AXIN1: variants seen among roughly 807,000 people sequenced by gnomAD.
The protein encoded by AXIN1 is axin 1, also known as axin-1.
A neutral mutation model predicts 76.4 loss-of-function variants in AXIN1; 30 were observed. The ratio of observed to expected loss-of-function variants is 0.39; its 90% CI spans 0.29 to 0.53. The LOEUF is 0.53. Ranked by LOEUF, AXIN1 falls within the 20% of genes least tolerant of loss-of-function variation. AXIN1 has a pLI of 0.66. For synonymous variants in AXIN1, 545 were observed against 501.4 expected (o/e 1.09, Z -1.16); for missense variants, 1,140 against 1,198.8 (o/e 0.95, Z 0.72).
At chr16:294,659 A>G (rs385862) in intron 7 of AXIN1, among the ~76,000 whole-genome samples, 65,136 of 148,058 alleles carry the variant, frequency 0.44, 15,488 homozygotes, top group African/African-American at 0.63. Flanking sequence ...GGTGGGTTAG[A>G]CAGGAGAACC....
In AXIN1 at chr16:346,399, T is replaced by C. The variant is rs754576194; in HGVS notation, c.627A>G (p.Glu209=). Residue 209 remains glutamate (E), a synonymous_variant, in exon 2 of 11, where the codon GAA becomes GAG. Transcript: ENST00000262320. The stretch of plus-strand genomic sequence containing the variant: ...GGCTCTCCGAGCCTGTCCTCGTATA[T>C]TCCAAATAAATATCAGACTTAAGGA... ...PSFLKSDIYL[E]YTRTGSESPK... is the part of the protein sequence containing the mutation. The C allele has an allele frequency of 6.8e-6, 11 of 1,614,208 alleles. No individual in the cohort carries two copies. Among genetic ancestry groups the C allele is most frequent in the Non-Finnish European group, 6.8e-6 (8 of 1,180,038 alleles).
chr16:342,329 CA>C lies in AXIN1; in HGVS notation c.878+3818del, dbSNP rs748531102. 8.5e-5 allele frequency among the ~76,000 whole-genome samples: 13 copies of C among 152,302 alleles called. No individual in the cohort carries two copies. In the East Asian group the frequency reaches 1.9e-3, roughly 23 times the overall value. On this transcript the variant is annotated intron_variant, in intron 2 of 10. Coordinates refer to ENST00000262320, the MANE Select transcript of AXIN1 (RefSeq NM_003502.4). Reference sequence around the variant, plus strand: ...CCTTTAGGAACTGTAACACTCACGGCAAGGGTCCGCGGCTTCATTCTTGAAG... The same window carrying C: ...CCTTTAGGAACTGTAACACTCACGGCAGGGTCCGCGGCTTCATTCTTGAAG...
chr16:305,030 C>A (rs575432053), intron 4 of AXIN1, among the ~76,000 whole-genome samples: 1 of 152,192 alleles, frequency 6.6e-6, no homozygotes, highest in Non-Finnish European at 1.5e-5. Context: ...GACACACAGC[C>A]GGCGCTCCCC....
intron 1 of AXIN1, among the ~76,000 whole-genome samples, chr16:351,440 T>C (rs1413015784): frequency 6.6e-6 from 1 of 152,088 alleles, no homozygotes; most frequent in Non-Finnish European, 1.5e-5. Context: ...TGAAACCCTG[T>C]CTCTACTAAA....
At chr16:331,345 AG>A (rs2053686978) in intron 2 of AXIN1, among the ~76,000 whole-genome samples, 1 of 152,186 alleles carries the variant, frequency 6.6e-6, no homozygotes, top group African/African-American at 2.4e-5. Flanking sequence ...TGACATTCTC[AG>A]GGATCCTGGA....
intron 2 of AXIN1, among the ~76,000 whole-genome samples, chr16:320,091 GC>G (rs969617745): frequency 5.9e-5 from 9 of 152,116 alleles, no homozygotes; most frequent in Admixed American, 4.6e-4. Flanking sequence ...AGAACCGACA[GC>G]CCCCCACACA....
Position 352,519 on chromosome 16 carries a change from C to G in AXIN1, c.-232G>C, listed in dbSNP as rs1301083041. On this transcript the variant is annotated 5_prime_UTR_variant, in exon 1 of 11. Coordinates refer to ENST00000262320, the MANE Select transcript of AXIN1 (RefSeq NM_003502.4). The stretch of plus-strand genomic sequence containing the variant: ...ATCTCGGCGGCTGCGGCTCGGCGGC[C>G]CGGAGGCGGACGCGGGGCAGGCCGC... The G allele has an allele frequency of 1.4e-6, 1 of 730,936 alleles. No homozygotes were observed. Among genetic ancestry groups the G allele is most frequent in the Non-Finnish European group, 1.7e-6 (1 of 600,710 alleles). 45.3% of individuals were successfully genotyped at this position (730,936 alleles called of 1,614,324 possible).
intron 2 of AXIN1, among the ~76,000 whole-genome samples, chr16:331,090 T>C (rs1333090764): frequency 6.6e-6 from 1 of 152,192 alleles, no homozygotes; most frequent in Non-Finnish European, 1.5e-5. Context: ...CTTACAGTCA[T>C]GGTCCCTGAA....
Position 309,981 on chromosome 16 carries a change from G to A in AXIN1, c.1108C>T (p.His370Tyr), listed in dbSNP as rs748445916. 2 of 1,613,456 alleles carry A rather than the reference G, an allele frequency of 1.2e-6. No individual in the cohort carries two copies. Among genetic ancestry groups the A allele is most frequent in the East Asian group, 2.2e-5 (1 of 44,872 alleles). ...VQVNGRVPLP[H>Y]IPRTYRVPKE... ...GCAAAGCCGGTACTTACGGGAATGT[G>A]AGGTAGGGGCACCCGCCCATTGACC... Residue 370 changes from histidine (H) to tyrosine (Y), a missense_variant, in exon 4 of 11, where the codon CAC becomes TAC. This residue lies in a region of AXIN1 where 708 missense variants were observed against 776.9 expected (regional missense o/e 0.91). Transcript: ENST00000262320.
At position 351,679 on chromosome 16, in the gene AXIN1, G is replaced by A. The variant is rs142536135; in HGVS notation, c.-82+690C>T. 3.0e-3 allele frequency among the ~76,000 whole-genome samples: 464 copies of A among 152,222 alleles called. 1 individual carries two copies. The highest frequency in any genetic ancestry group is 0.011 in the African/African-American group (440 of 41,514). On this transcript the variant is annotated intron_variant, in intron 1 of 10. Transcript: ENST00000262320. ...CCCAACACCTTGGAAGGCTGAGGCA[G>A]GTGGATCGCTTGAGGCCAAGAATTC...
In AXIN1 at chr16:297,070, G is replaced by A. The variant is rs142471911; in HGVS notation, c.1941C>T (p.Arg647=). The change falls in exon 7 of 11, where the codon CGC becomes CGT. Residue 647 remains arginine, a synonymous_variant. Transcript: ENST00000262320. ...GGGGTGCTCACCCGTGGCCGGTCCT[G>A]CGGTGCCTGCTGATCTCCTTTTCCC... ...IEGEKEISRH[R]RTGHGSSGTR... 1 of 1,611,676 alleles carries A rather than the reference G, an allele frequency of 6.2e-7. No homozygotes were observed. The highest frequency in any genetic ancestry group is 1.1e-5 in the South Asian group (1 of 91,090).
rs145974244 is a variant in AXIN1 at position 311,352 on chromosome 16, C to T, written c.1020-1283G>A. 1.4e-4 allele frequency among the ~76,000 whole-genome samples: 21 copies of T among 152,138 alleles called. No homozygotes were observed. The East Asian group carries it at 3.3e-3, about 24-fold the overall frequency. The stretch of plus-strand genomic sequence containing the variant: ...GCCCGCAACAGGTTTTCTTTATGAA[C>T]CCTTTAGAAGATCATTAAAACACGA... On this transcript the variant is annotated intron_variant, in intron 3 of 10. Transcript: ENST00000262320.
intron 6 of AXIN1, 125 bp from the exon 7 acceptor site, chr16:297,351 C>A: frequency 1.6e-6 from 2 of 1,287,482 alleles, no homozygotes; most frequent in South Asian, 1.3e-5. Context: ...CCCGCTGTCC[C>A]CTGCCCGCTT....
chr16:287,761 G>T lies in AXIN1; in HGVS notation c.*361C>A. 2.3e-6 allele frequency: 1 copy of T among 432,158 alleles called. No homozygotes were observed. Among genetic ancestry groups the T allele is most frequent in the Non-Finnish European group, 4.3e-6 (1 of 230,600 alleles). 26.8% of individuals were successfully genotyped at this position (432,158 alleles called of 1,614,324 possible). Reference sequence around the variant, plus strand: ...GGGCCTGGGCCCCACCCAGACCTGGGTACGTGGGCAAATCCCAGAGGGAAA... The same window carrying T: ...GGGCCTGGGCCCCACCCAGACCTGGTTACGTGGGCAAATCCCAGAGGGAAA... On this transcript the variant is annotated 3_prime_UTR_variant, in exon 11 of 11. Transcript: ENST00000262320.
intron 2 of AXIN1, among the ~76,000 whole-genome samples, chr16:342,973 T>A (rs1224376231): frequency 6.6e-6 from 1 of 152,068 alleles, no homozygotes; most frequent in Admixed American, 6.6e-5. Context: ...AAGAGAATGG[T>A]CTAAATGTGA....
At chr16:318,147 G>A (rs190000872) in intron 2 of AXIN1, among the ~76,000 whole-genome samples, 146 of 152,348 alleles carry the variant, frequency 9.6e-4, no homozygotes, top group African/African-American at 3.2e-3. Flanking sequence ...CACCTGTCCC[G>A]TCACTTGGGA....
chr16:302,042 C>A (rs2052887276), intron 5 of AXIN1, among the ~76,000 whole-genome samples: 1 of 152,220 alleles, frequency 6.6e-6, no homozygotes, highest in Admixed American at 6.5e-5. Context: ...GGCTCCCAGG[C>A]AGGCCCCAAT....
At chr16:342,790 G>C (rs2053956233) in intron 2 of AXIN1, among the ~76,000 whole-genome samples, 1 of 152,192 alleles carries the variant, frequency 6.6e-6, no homozygotes, top group Admixed American at 6.5e-5. Context: ...CCAACACAAA[G>C]CCCACGAAGT....
intron 4 of AXIN1, among the ~76,000 whole-genome samples, chr16:306,401 C>T (rs1024581068): frequency 2.0e-5 from 3 of 152,300 alleles, no homozygotes; most frequent in South Asian, 4.1e-4. Context: ...GTGTCTAAGC[C>T]GCGGAGGGAT....
Sources: allele counts gnomAD v4.1 joint callset (sites outside exome capture counted in the v4.1 genomes callset), GRCh38; gene constraint gnomAD v4.1.1; regional missense constraint gnomAD v4.1.1; transcripts MANE v1.5; gene names NCBI Gene and HGNC (gene_info 2026-07-23, HGNC 2026-07-21).